The following KCNMA1 variants were observed in gnomAD, a reference collection of about 807,000 sequenced individuals.
KCNMA1 encodes Calcium-activated potassium channel subunit alpha-1.
KCNMA1 carries 29 observed loss-of-function variants against 140.0 expected under a neutral mutation model. That is an observed-to-expected ratio of 0.21 (90% CI 0.15 to 0.28). The LOEUF (loss-of-function observed/expected upper bound fraction) is 0.28, where lower values mean the gene tolerates loss of function less well. Ranked by LOEUF, KCNMA1 falls within the 10% of genes least tolerant of loss-of-function variation. KCNMA1 has a pLI of 1.00. For missense variants in KCNMA1, 880 were observed against 1,602.2 expected, an observed-to-expected ratio of 0.55 and a Z score of 7.70; for synonymous variants, 612 against 611.9, an observed-to-expected ratio of 1.00 and a Z score of 0.00.
At chr10:77,431,993 G>T (rs1165186850) in intron 1 of KCNMA1, among the ~76,000 whole-genome samples, 1 of 144,870 alleles carries the variant, frequency 6.9e-6, no homozygotes, top group African/African-American at 2.5e-5. Flanking sequence ...CTCTATCTCT[G>T]AAAAAAAAAA....
chr10:76,917,382 A>G (rs2053411233), intron 23 of KCNMA1, among the ~76,000 whole-genome samples: 1 of 152,218 alleles, frequency 6.6e-6, no homozygotes, highest in Admixed American at 6.5e-5. Context: ...CGGTATTAGG[A>G]AAACTGTATT....
At chr10:77,312,396 C>T (rs1358474354) in intron 2 of KCNMA1, among the ~76,000 whole-genome samples, 2 of 152,214 alleles carry the variant, frequency 1.3e-5, no homozygotes, top group African/African-American at 4.8e-5. Context: ...GAGGCCAAGG[C>T]AGGCGGATCA....
chr10:77,459,461 A>G (rs2097818902), intron 1 of KCNMA1, among the ~76,000 whole-genome samples: 1 of 152,206 alleles, frequency 6.6e-6, no homozygotes, highest in African/African-American at 2.4e-5. Flanking sequence ...ATAAGCTAAA[A>G]TCGGAAATCT....
At chr10:77,038,145 C>T (rs2094451720) in intron 15 of KCNMA1, among the ~76,000 whole-genome samples, 1 of 152,156 alleles carries the variant, frequency 6.6e-6, no homozygotes, top group Admixed American at 6.5e-5. Context: ...ACAGAGTGCA[C>T]CTGCTGTGTT....
intron 7 of KCNMA1, among the ~76,000 whole-genome samples, chr10:77,111,477 C>T (rs1403198624): frequency 6.6e-6 from 1 of 152,138 alleles, no homozygotes; most frequent in Non-Finnish European, 1.5e-5. Flanking sequence ...GATTTGGGTG[C>T]TTCGTGCTTG....
intron 1 of KCNMA1, among the ~76,000 whole-genome samples, chr10:77,500,558 CA>C (rs1363851717): frequency 2.6e-5 from 4 of 152,012 alleles, no homozygotes; most frequent in Non-Finnish European, 4.4e-5. Context: ...AAATTCAAGG[CA>C]AAAGACATTA....
At chr10:77,443,067 T>C (rs2097443428) in intron 1 of KCNMA1, among the ~76,000 whole-genome samples, 1 of 152,142 alleles carries the variant, frequency 6.6e-6, no homozygotes, top group Admixed American at 6.5e-5. Flanking sequence ...ACACCCACGA[T>C]CCAGGGTGGC....
intron 2 of KCNMA1, among the ~76,000 whole-genome samples, chr10:77,298,681 C>G (rs780026831): frequency 6.6e-6 from 1 of 152,116 alleles, no homozygotes; most frequent in Non-Finnish European, 1.5e-5. Context: ...CATTAGGTGA[C>G]CTCCCAAAGG....
At chr10:77,339,136 G>GT (rs34736679) in intron 2 of KCNMA1, among the ~76,000 whole-genome samples, 20 of 151,270 alleles carry the variant, frequency 1.3e-4, no homozygotes, top group African/African-American at 4.1e-4. Context: ...GTAAGGAAGT[G>GT]TTTTTTTAAT....
At chr10:76,985,387 T>G (rs1352279404) in intron 19 of KCNMA1, among the ~76,000 whole-genome samples, 1 of 152,156 alleles carries the variant, frequency 6.6e-6, no homozygotes, top group Non-Finnish European at 1.5e-5. Context: ...GAAAATGCAT[T>G]ATAATCTTAC....
At chr10:76,928,833 G>A (rs568270609) in intron 23 of KCNMA1, among the ~76,000 whole-genome samples, 18 of 152,224 alleles carry the variant, frequency 1.2e-4, no homozygotes, top group South Asian at 6.2e-4. Context: ...AGGAGTTTGC[G>A]CCTTAAAAAC....
intron 2 of KCNMA1, among the ~76,000 whole-genome samples, chr10:77,367,201 T>G (rs911231499): frequency 5.3e-5 from 8 of 152,138 alleles, no homozygotes; most frequent in African/African-American, 1.9e-4. Context: ...CTCCAGGGAA[T>G]GGGTGGATAG....
chr10:77,422,594 T>G (rs985831459), intron 1 of KCNMA1, among the ~76,000 whole-genome samples: 31 of 152,200 alleles, frequency 2.0e-4, no homozygotes, highest in African/African-American at 7.2e-4. Flanking sequence ...GTTTCAATAG[T>G]AATCCCCAGT....
intron 5 of KCNMA1, among the ~76,000 whole-genome samples, chr10:77,127,070 AAACACACACACACACACACAC>A (rs2097757765): frequency 2.3e-5 from 2 of 87,530 alleles, no homozygotes; most frequent in Non-Finnish European, 4.3e-5. Context: ...ACACACACAC[AAACACACACACACACACACAC>A]ACACACACAC....
intron 1 of KCNMA1, among the ~76,000 whole-genome samples, chr10:77,420,897 A>G (rs985176291): frequency 2.6e-5 from 4 of 152,212 alleles, no homozygotes; most frequent in Non-Finnish European, 2.9e-5. Flanking sequence ...ATGCAATGGT[A>G]CAATTCCCAC....
At chr10:77,214,589 A>T (rs1237306802) in intron 3 of KCNMA1, among the ~76,000 whole-genome samples, 2 of 152,186 alleles carry the variant, frequency 1.3e-5, no homozygotes, top group Non-Finnish European at 2.9e-5. Context: ...TCCAGAGACT[A>T]CTGCAGGCTC....
rs548360551 is a variant in KCNMA1 at position 77,153,200 on chromosome 10, C to A, written c.808+30221G>T. ...TCTCTTTCCAAATAATGTATGCCAACTTTCAGTGTAATCCAACACTCCATG... is the reference window on the plus strand; with the variant it reads ...TCTCTTTCCAAATAATGTATGCCAAATTTCAGTGTAATCCAACACTCCATG... On this transcript the variant is annotated intron_variant, in intron 5 of 27. Transcript: ENST00000286628. Among the ~76,000 whole-genome samples, 79 of 152,264 alleles carry A rather than the reference C, an allele frequency of 5.2e-4. 1 individual carries two copies. The highest frequency in any genetic ancestry group is 8.3e-4 in the South Asian group (4 of 4,826).
intron 3 of KCNMA1, among the ~76,000 whole-genome samples, chr10:77,204,985 C>T (rs912981377): frequency 7.2e-5 from 11 of 152,142 alleles, no homozygotes; most frequent in South Asian, 2.1e-4. Context: ...TTTTCCAGCC[C>T]ATCACGCTCC....
Position 77,547,354 on chromosome 10 carries a change from G to T in KCNMA1, c.378+89911C>A, listed in dbSNP as rs1259349695. On this transcript the variant is annotated intron_variant, in intron 1 of 27. Coordinates refer to ENST00000286628, the MANE Select transcript of KCNMA1 (RefSeq NM_001161352.2). ...CAGGCTTGGCTCAATGAACAGAACG[G>T]CTCCGTTATATTTCAACCTACCCAC... is the stretch of plus-strand genomic sequence containing the variant. Among the ~76,000 whole-genome samples, 4 of 152,132 alleles carry T rather than the reference G, an allele frequency of 2.6e-5. No individual in the cohort carries two copies. In the East Asian group the frequency reaches 7.7e-4, roughly 29 times the overall value.
Sources: gnomAD v4.1 joint callset for allele counts (sites outside exome capture counted in the v4.1 genomes callset) on GRCh38, gnomAD v4.1.1 for gene constraint, MANE v1.5 for transcripts, NCBI Gene and HGNC (gene_info 2026-07-23, HGNC 2026-07-21) for gene names.